The following EPM2A variants were observed in gnomAD, a reference collection of about 807,000 sequenced individuals.
The protein encoded by EPM2A is EPM2A glucan phosphatase, laforin, also known as laforin.
In EPM2A, 21 loss-of-function variants were observed where a neutral mutation model predicts 26.5. That is an observed-to-expected ratio of 0.79 (90% CI 0.56 to 1.14). The LOEUF (loss-of-function observed/expected upper bound fraction) is 1.14, where lower values mean the gene tolerates loss of function less well. Among genes scored for constraint, EPM2A ranks in the 50% most tolerant of loss-of-function variants. The pLI, the probability that EPM2A is intolerant of heterozygous loss-of-function variation, is 0.00. For synonymous variants in EPM2A, 217 were observed against 177.6 expected (o/e 1.22, Z -1.76); for missense variants, 458 against 440.8 (o/e 1.04, Z -0.35).
chr6:145,668,716 T>C (rs1450568817), intron 2 of EPM2A, among the ~76,000 whole-genome samples: 3 of 152,176 alleles, frequency 2.0e-5, no homozygotes, highest in African/African-American at 7.2e-5. Context: ...TGTTCATCTA[T>C]AGCATGAGGG....
intron 2 of EPM2A, among the ~76,000 whole-genome samples, chr6:145,529,920 T>C (rs953754805): frequency 1.3e-5 from 2 of 152,220 alleles, no homozygotes; most frequent in Admixed American, 1.3e-4. Flanking sequence ...CTAAATGCCA[T>C]CTTCTATTTT....
downstream of EPM2A, among the ~76,000 whole-genome samples, chr6:145,497,882 C>T (rs1246455186): frequency 6.6e-6 from 1 of 152,212 alleles, no homozygotes; most frequent in Non-Finnish European, 1.5e-5. Flanking sequence ...GGCTTGGGCT[C>T]GCCAAAGCCG....
intron 2 of EPM2A, among the ~76,000 whole-genome samples, chr6:145,586,716 A>G (rs1250069247): frequency 1.3e-5 from 2 of 152,222 alleles, no homozygotes; most frequent in African/African-American, 2.4e-5. Flanking sequence ...TTTAGTTAAT[A>G]GTAGTTTCCA....
chr6:145,722,222 T>C (rs1169437318), intron 1 of EPM2A, among the ~76,000 whole-genome samples: 1 of 152,218 alleles, frequency 6.6e-6, no homozygotes, highest in East Asian at 1.9e-4. Context: ...CATTTGGATT[T>C]GAATGTACTT....
In EPM2A at chr6:145,448,898, G is replaced by A. The variant is rs553966995; in HGVS notation, c.555+53624C>T. ...AGTTGTTTAACTTATGAGTTACACC[G>A]ATGCTGTCTACAAATAAGCAATATG... On this transcript the variant is annotated intron_variant, in intron 4 of 4. Coordinates refer to the EPM2A transcript ENST00000638717. Among the ~76,000 whole-genome samples the A allele has an allele frequency of 9.2e-5, 14 of 152,198 alleles. No individual in the cohort carries two copies. In the East Asian group the frequency reaches 1.7e-3, roughly 19 times the overall value.
At chr6:145,669,110 A>G (rs1189070772) in intron 2 of EPM2A, among the ~76,000 whole-genome samples, 1 of 152,184 alleles carries the variant, frequency 6.6e-6, no homozygotes, top group Admixed American at 6.6e-5. Flanking sequence ...TGACTCATTT[A>G]TCAGGAACAA....
chr6:145,613,973 T>C (rs1385211453), intron 2 of EPM2A, among the ~76,000 whole-genome samples: 1 of 152,238 alleles, frequency 6.6e-6, no homozygotes, highest in African/African-American at 2.4e-5. Flanking sequence ...AAGCCAGGCA[T>C]TGACATCTCC....
chr6:145,593,949 A>T (rs1781307698), intron 2 of EPM2A, among the ~76,000 whole-genome samples: 1 of 151,582 alleles, frequency 6.6e-6, no homozygotes, highest in Non-Finnish European at 1.5e-5. Flanking sequence ...AAAATATAAA[A>T]CAATAGAAAA....
At chr6:145,445,525 T>C (rs1189020174) in intron 4 of EPM2A, among the ~76,000 whole-genome samples, 1 of 152,188 alleles carries the variant, frequency 6.6e-6, no homozygotes, top group African/African-American at 2.4e-5. Flanking sequence ...AGGGGAAGTG[T>C]AGGACTGGGG....
intron 4 of EPM2A, among the ~76,000 whole-genome samples, chr6:145,418,492 G>A (rs1244187254): frequency 6.6e-6 from 1 of 152,128 alleles, no homozygotes; most frequent in Non-Finnish European, 1.5e-5. Flanking sequence ...AATGATGCCA[G>A]GACTGTTTGT....
At chr6:145,683,714 T>C (rs147657879) in intron 2 of EPM2A, among the ~76,000 whole-genome samples, 1 of 152,068 alleles carries the variant, frequency 6.6e-6, no homozygotes, top group Non-Finnish European at 1.5e-5. Context: ...TGCCTGTCTT[T>C]TCATTCAGGG....
intron 4 of EPM2A, among the ~76,000 whole-genome samples, chr6:145,452,059 T>G (rs1046675923): frequency 6.6e-6 from 1 of 152,206 alleles, no homozygotes; most frequent in African/African-American, 2.4e-5. Context: ...TCTTCTTTGG[T>G]CTACCCCTCT....
At chr6:145,527,504 G>A (rs1780292245) in intron 2 of EPM2A, among the ~76,000 whole-genome samples, 1 of 152,058 alleles carries the variant, frequency 6.6e-6, no homozygotes, top group South Asian at 2.1e-4. Flanking sequence ...GAATAATTAA[G>A]TCTTGTTGAA....
intron 4 of EPM2A, among the ~76,000 whole-genome samples, chr6:145,417,855 G>A (rs1401202752): frequency 2.0e-5 from 3 of 151,924 alleles, no homozygotes; most frequent in Non-Finnish European, 2.9e-5. Flanking sequence ...CACACACCTC[G>A]AGAGCAGCTC....
intron 2 of EPM2A, among the ~76,000 whole-genome samples, chr6:145,508,551 C>T (rs1163316676): frequency 6.9e-6 from 1 of 143,958 alleles, no homozygotes; most frequent in African/African-American, 2.6e-5. Context: ...ACAGTCATAC[C>T]CTCAAGGGAA....
At chr6:145,541,012 T>C (rs1780499369) in intron 2 of EPM2A, among the ~76,000 whole-genome samples, 1 of 152,134 alleles carries the variant, frequency 6.6e-6, no homozygotes, top group Non-Finnish European at 1.5e-5. Flanking sequence ...GAGGATGCAA[T>C]ACTCTTTAAC....
chr6:145,651,914 A>C (rs1306623820), intron 2 of EPM2A, among the ~76,000 whole-genome samples: 1 of 152,108 alleles, frequency 6.6e-6, no homozygotes, highest in Non-Finnish European at 1.5e-5. Flanking sequence ...TGTGTGTGAA[A>C]ATTCTATCCG....
chr6:145,408,993 A>G (rs1778607043), intron 4 of EPM2A, among the ~76,000 whole-genome samples: 1 of 152,200 alleles, frequency 6.6e-6, no homozygotes, highest in Non-Finnish European at 1.5e-5. Context: ...ACAAGCTTTC[A>G]GACCACAGCA....
At chr6:145,700,665 A>G (rs988524574) in intron 1 of EPM2A, among the ~76,000 whole-genome samples, 2 of 152,214 alleles carry the variant, frequency 1.3e-5, no homozygotes, top group African/African-American at 4.8e-5. Context: ...AGTTGCAGAG[A>G]ACACAGAATA....
Sources: gnomAD v4.1 joint callset for allele counts (sites outside exome capture counted in the v4.1 genomes callset) on GRCh38, gnomAD v4.1.1 for gene constraint, MANE v1.5 for transcripts, NCBI Gene and HGNC (gene_info 2026-07-23, HGNC 2026-07-21) for gene names.